Variants in PCDH15 observed in about 807,000 individuals in gnomAD.
PCDH15 encodes the protein protocadherin related 15.
A neutral mutation model predicts 178.5 loss-of-function variants in PCDH15; 129 were observed. That is an observed-to-expected ratio of 0.72 (90% CI 0.63 to 0.84). PCDH15 has a LOEUF of 0.84. PCDH15 is among the 40% of genes least tolerant of loss of function. PCDH15 has a pLI of 0.00. For missense variants in PCDH15, 2,230 were observed against 2,099.9 expected (o/e 1.06, Z -1.21); for synonymous variants, 800 against 732.0 (o/e 1.09, Z -1.50).
intron 9 of PCDH15, among the ~76,000 whole-genome samples, chr10:54,214,679 C>A (rs971788500): frequency 2.0e-5 from 3 of 152,116 alleles, no homozygotes; most frequent in Non-Finnish European, 4.4e-5. Flanking sequence ...GAATCCTCTG[C>A]CTTCCCGGTT....
intron 7 of PCDH15, 69 bp from the exon 8 acceptor site, chr10:54,317,510 C>A (rs1010475613): frequency 6.4e-6 from 10 of 1,567,508 alleles, no homozygotes; most frequent in South Asian, 2.2e-5. Flanking sequence ...AGCAGTGGCC[C>A]ATACCTGTAA....
intron 2 of PCDH15, among the ~76,000 whole-genome samples, chr10:55,115,528 C>T (rs1437619759): frequency 2.6e-5 from 4 of 152,136 alleles, no homozygotes; most frequent in African/African-American, 9.7e-5. Context: ...TTGATCTTGG[C>T]ACTGTCCCTG....
In PCDH15 at chr10:53,873,808, G is replaced by A. The variant is rs149407516; in HGVS notation, c.3502-6951C>T. ...TTGAAGGATGGGCCTTTGCAAAGCA[G>A]TTAAGTTCATGATGGCAGAGCCCCC... is the stretch of plus-strand genomic sequence containing the variant. On this transcript the variant is annotated intron_variant, in intron 26 of 37. Coordinates refer to ENST00000644397, the MANE Select transcript of PCDH15 (RefSeq NM_001384140.1). Among the ~76,000 whole-genome samples the A allele has an allele frequency of 7.2e-3, 1,095 of 152,296 alleles. 9 individuals are homozygous for A. The highest frequency in any genetic ancestry group is 0.025 in the African/African-American group (1,035 of 41,554).
intron 2 of PCDH15, among the ~76,000 whole-genome samples, chr10:54,534,111 C>T (rs2084227931): frequency 6.6e-6 from 1 of 152,024 alleles, no homozygotes; most frequent in African/African-American, 2.4e-5. Flanking sequence ...TATAGACAGA[C>T]TAGGCCTACA....
At chr10:54,995,700 G>T (rs1839626066) in intron 2 of PCDH15, among the ~76,000 whole-genome samples, 1 of 150,656 alleles carries the variant, frequency 6.6e-6, no homozygotes, top group South Asian at 2.1e-4. Flanking sequence ...GTCTTATTGA[G>T]TTCCTTTCTC....
intron 2 of PCDH15, among the ~76,000 whole-genome samples, chr10:54,932,380 G>A (rs910379393): frequency 6.6e-6 from 1 of 152,114 alleles, no homozygotes; most frequent in Non-Finnish European, 1.5e-5. Context: ...TATAAAGAAA[G>A]AACATATTTT....
chr10:55,350,264 TATATACACAC>T lies in PCDH15; in HGVS notation c.-155-183623_-155-183614del, dbSNP rs1160875413. ...ATATATATATATATATATATATATA[TATATACACAC>T]ACACACACACACATACATACACACA... On this transcript the variant is annotated intron_variant, in intron 2 of 5. Transcript: ENST00000613346. Among the ~76,000 whole-genome samples the T allele has an allele frequency of 8.0e-3, 499 of 62,746 alleles. 7 individuals carry two copies. Among genetic ancestry groups the T allele is most frequent in the African/African-American group, 0.043 (461 of 10,790 alleles). 41.2% of individuals were successfully genotyped at this position (62,746 alleles called of 152,430 possible). A position where few individuals can be genotyped will look rare whatever the true frequency, so the allele number is the denominator to read the frequency against.
At chr10:54,186,922 G>A (rs1283359241) in intron 11 of PCDH15, among the ~76,000 whole-genome samples, 8 of 151,996 alleles carry the variant, frequency 5.3e-5, no homozygotes, top group Admixed American at 4.6e-4. Flanking sequence ...ACACTTTAGA[G>A]TGAATTGTGA....
intron 2 of PCDH15, among the ~76,000 whole-genome samples, chr10:54,617,238 T>C (rs1471218400): frequency 6.6e-6 from 1 of 151,974 alleles, no homozygotes; most frequent in Non-Finnish European, 1.5e-5. Flanking sequence ...GTCCTAAGAA[T>C]ATTGTGTAGA....
intron 3 of PCDH15, among the ~76,000 whole-genome samples, chr10:54,828,520 T>G (rs1953168235): frequency 6.6e-6 from 1 of 151,934 alleles, no homozygotes; most frequent in Admixed American, 6.6e-5. Context: ...TGTATATTTT[T>G]TCTCCCAGGA....
chr10:53,888,689 ATATATATATATAT>A lies in PCDH15; in HGVS notation c.3501+14541_3501+14553del, dbSNP rs1421488784. Among the ~76,000 whole-genome samples the A allele has an allele frequency of 7.6e-3, 347 of 45,382 alleles. 64 individuals carry two copies. The highest frequency in any genetic ancestry group is 8.2e-3 in the Non-Finnish European group (202 of 24,738). 29.8% of individuals were successfully genotyped at this position (45,382 alleles called of 152,430 possible). A position where few individuals can be genotyped will look rare whatever the true frequency, so the allele number is the denominator to read the frequency against. On this transcript the variant is annotated intron_variant, in intron 26 of 37. Coordinates refer to ENST00000644397, the MANE Select transcript of PCDH15 (RefSeq NM_001384140.1). Reference sequence around the variant, plus strand: ...GATATATATATATATATATATATATATATATATATATATATCTCCTGTGGAAATTGATAAGCTG... The same window carrying A: ...GATATATATATATATATATATATATAATCTCCTGTGGAAATTGATAAGCTG...
intron 3 of PCDH15, among the ~76,000 whole-genome samples, chr10:54,484,844 A>G (rs372841271): frequency 1.6e-4 from 24 of 152,074 alleles, no homozygotes; most frequent in African/African-American, 5.3e-4. Flanking sequence ...AACTGTATTC[A>G]TAATGAACAT....
intron 1 of PCDH15, among the ~76,000 whole-genome samples, chr10:54,791,665 T>A (rs1374869340): frequency 6.6e-6 from 1 of 151,956 alleles, no homozygotes; most frequent in Non-Finnish European, 1.5e-5. Flanking sequence ...TTAAAAATCC[T>A]GAAGTCATCC....
intron 1 of PCDH15, among the ~76,000 whole-genome samples, chr10:54,721,591 C>T (rs919244480): frequency 3.3e-5 from 5 of 151,652 alleles, no homozygotes; most frequent in African/African-American, 4.8e-5. Flanking sequence ...CTACTATGAA[C>T]ACCTTTATGT....
intron 2 of PCDH15, among the ~76,000 whole-genome samples, chr10:54,997,651 C>T (rs79945163): frequency 0.019 from 2,925 of 152,166 alleles, 100 homozygotes; most frequent in African/African-American, 0.066. Flanking sequence ...GCTAAATCTT[C>T]GGAATTATTG....
intron 2 of PCDH15, among the ~76,000 whole-genome samples, chr10:55,080,773 A>T (rs1842020708): frequency 6.6e-6 from 1 of 152,052 alleles, no homozygotes; most frequent in Admixed American, 6.6e-5. Context: ...TGGTATGCAG[A>T]AGCAAGGAAG....
intron 9 of PCDH15, among the ~76,000 whole-genome samples, chr10:54,217,930 T>A (rs1414645529): frequency 1.3e-5 from 2 of 152,116 alleles, no homozygotes; most frequent in Non-Finnish European, 2.9e-5. Flanking sequence ...TGTTTTTTTG[T>A]TTTTTAAGCT....
chr10:54,977,970 A>G (rs1408336059), intron 2 of PCDH15, among the ~76,000 whole-genome samples: 1 of 152,162 alleles, frequency 6.6e-6, no homozygotes, highest in African/African-American at 2.4e-5. Context: ...ATTATGTACA[A>G]TTTTATTCTT....
At chr10:55,586,237 G>T (rs1456270051) in intron 2 of PCDH15, among the ~76,000 whole-genome samples, 1 of 151,678 alleles carries the variant, frequency 6.6e-6, no homozygotes, top group Non-Finnish European at 1.5e-5. Flanking sequence ...TGGCAAAGCT[G>T]GTTTTTAAAC....
Sources: gnomAD v4.1 joint callset for allele counts (sites outside exome capture counted in the v4.1 genomes callset) on GRCh38, gnomAD v4.1.1 for gene constraint, MANE v1.5 for transcripts, NCBI Gene and HGNC (gene_info 2026-07-23, HGNC 2026-07-21) for gene names.